The following SLC22A3 variants were observed in gnomAD, a reference collection of about 807,000 sequenced individuals.
SLC22A3 encodes EMT organic cation transporter 3.
SLC22A3 carries 51 observed loss-of-function variants against 59.1 expected under a neutral mutation model. The ratio of observed to expected loss-of-function variants is 0.86; its 90% confidence interval spans 0.69 to 1.09. SLC22A3 has a LOEUF of 1.09. Among genes scored for constraint, SLC22A3 ranks in the 50% least tolerant of loss-of-function variants. The pLI is 0.00. For missense variants in SLC22A3, 711 were observed against 726.3 expected (o/e 0.98, Z 0.24); for synonymous variants, 325 against 292.0 (o/e 1.11, Z -1.15).
At chr6:160,426,396 C>T in intron 5 of SLC22A3, 1 of 967,564 alleles carries the variant, frequency 1.0e-6, no homozygotes, top group Non-Finnish European at 1.2e-6. Flanking sequence ...GCTCAGGCAT[C>T]ATTGGGCTGT....
chr6:160,421,270 C>A (rs982519918), intron 5 of SLC22A3, among the ~76,000 whole-genome samples: 2 of 152,204 alleles, frequency 1.3e-5, no homozygotes, highest in South Asian at 2.1e-4. Flanking sequence ...TGTGGAGGAA[C>A]AAGTCCTATT....
intron 1 of SLC22A3, among the ~76,000 whole-genome samples, chr6:160,373,326 A>AG: frequency 6.6e-6 from 1 of 152,266 alleles, no homozygotes; most frequent in Non-Finnish European, 1.5e-5. Flanking sequence ...CCTGGGTATC[A>AG]CCAGTGGAGG....
rs370213711 is a variant in SLC22A3, at chr6:160,408,820, T to G, written c.756T>G (p.Leu252=). ...VGIVIQMFFT[L]GIIILPGIAY... ...TCGTGATTCAAATGTTCTTTACCCT[T>G]GGAATCATAATTCTCCCTGGAATTG... Residue 252 remains leucine (L), a synonymous_variant, in exon 4 of 11, where the codon CTT becomes CTG. Transcript: ENST00000275300. 5 of 1,613,696 alleles carry G rather than the reference T, an allele frequency of 3.1e-6. No individual in the cohort carries two copies. Among genetic ancestry groups the G allele is most frequent in the Admixed American group, 3.3e-5 (2 of 59,946 alleles).
At chr6:160,370,642 C>T (rs1268460097) in intron 1 of SLC22A3, among the ~76,000 whole-genome samples, 2 of 152,204 alleles carry the variant, frequency 1.3e-5, no homozygotes, top group Non-Finnish European at 2.9e-5. Flanking sequence ...CATATTACTT[C>T]ATGTAGGATT....
At chr6:160,385,221 G>A (rs1785955497) in intron 1 of SLC22A3, among the ~76,000 whole-genome samples, 1 of 152,170 alleles carries the variant, frequency 6.6e-6, no homozygotes, top group Non-Finnish European at 1.5e-5. Context: ...ATTTTCTCCA[G>A]TTCTGCTCTT....
chr6:160,406,954 G>C, intron 2 of SLC22A3, 87 bp from the exon 3 acceptor site: 1 of 1,425,874 alleles, frequency 7.0e-7, no homozygotes, highest in Non-Finnish European at 9.7e-7. Flanking sequence ...AGTATAATAT[G>C]GTATGATATA....
intron 2 of SLC22A3, 95 bp from the exon 3 acceptor site, chr6:160,406,946 T>C (rs1045394985): frequency 6.5e-6 from 9 of 1,381,544 alleles, no homozygotes; most frequent in Admixed American, 3.8e-5. Context: ...TGTAATACAG[T>C]ATAATATGGT....
chr6:160,390,883 C>T (rs1266978582), intron 1 of SLC22A3, among the ~76,000 whole-genome samples: 3 of 152,108 alleles, frequency 2.0e-5, no homozygotes, highest in Non-Finnish European at 4.4e-5. Flanking sequence ...TGCACAGAAC[C>T]ATGCTGTCTC....
chr6:160,373,940 G>A (rs1456641201), intron 1 of SLC22A3, among the ~76,000 whole-genome samples: 2 of 152,190 alleles, frequency 1.3e-5, no homozygotes, highest in Non-Finnish European at 2.9e-5. Context: ...TTAGCTTGCT[G>A]GGCTCCATAG....
chr6:160,428,339 T>A (rs980106258), intron 5 of SLC22A3, among the ~76,000 whole-genome samples: 4 of 152,096 alleles, frequency 2.6e-5, no homozygotes, highest in Admixed American at 6.5e-5. Context: ...GAATAAAATA[T>A]CTTCTCCATG....
chr6:160,421,538 A>G (rs1384041967), intron 5 of SLC22A3, among the ~76,000 whole-genome samples: 3 of 151,658 alleles, frequency 2.0e-5, no homozygotes. Context: ...CTACTCCAGC[A>G]CTCCTTGGTA....
In SLC22A3 at chr6:160,398,065, A is replaced by G; in HGVS notation, c.516A>G (p.Leu172=). The change falls in exon 2 of 11, where the codon TTA becomes TTG. Residue 172 remains leucine (L), a synonymous_variant. Coordinates refer to ENST00000275300, the MANE Select transcript of SLC22A3 (RefSeq NM_021977.4). ...NLGFLTGAFT[L]GYAADRYGRI... The stretch of plus-strand genomic sequence containing the variant: ...GCTTCCTGACTGGAGCATTCACCTT[A>G]GGCTATGCAGCAGACAGGTAGGTAC... 6.2e-7 allele frequency: 1 copy of G among 1,613,454 alleles called. No individual in the cohort carries two copies. The highest frequency in any genetic ancestry group is 8.5e-7 in the Non-Finnish European group (1 of 1,179,426).
intron 1 of SLC22A3, among the ~76,000 whole-genome samples, chr6:160,358,799 G>A (rs557391914): frequency 6.6e-6 from 1 of 152,220 alleles, no homozygotes; most frequent in South Asian, 2.1e-4. Flanking sequence ...GTTGCTGGAT[G>A]TGGACTCACT....
intron 1 of SLC22A3, among the ~76,000 whole-genome samples, chr6:160,379,641 A>C (rs1785724196): frequency 6.6e-6 from 1 of 152,170 alleles, no homozygotes; most frequent in African/African-American, 2.4e-5. Flanking sequence ...TGTAATTCCA[A>C]ATACAAACCA....
chr6:160,441,207 C>G (rs537450950), intron 7 of SLC22A3, among the ~76,000 whole-genome samples: 2 of 152,152 alleles, frequency 1.3e-5, no homozygotes, highest in African/African-American at 4.8e-5. Context: ...GGGCTGGGAC[C>G]CAGGGAATCT....
intron 5 of SLC22A3, 54 bp from the exon 6 acceptor site, chr6:160,436,726 G>A (rs1307006154): frequency 2.7e-6 from 3 of 1,123,492 alleles, no homozygotes; most frequent in Non-Finnish European, 4.0e-6. Flanking sequence ...TCTATACTAT[G>A]CAGGTTTTTT....
intron 2 of SLC22A3, 149 bp downstream of exon 2, chr6:160,398,231 G>T: frequency 1.6e-6 from 1 of 644,442 alleles, no homozygotes; most frequent in Non-Finnish European, 2.8e-6. Flanking sequence ...TCCACACTTG[G>T]TTGGTTTGAC....
chr6:160,389,141 C>T (rs931391519), intron 1 of SLC22A3, among the ~76,000 whole-genome samples: 5 of 152,102 alleles, frequency 3.3e-5, no homozygotes, highest in Non-Finnish European at 5.9e-5. Context: ...GGTCAGATGA[C>T]ATGATGATGA....
intron 1 of SLC22A3, among the ~76,000 whole-genome samples, chr6:160,381,521 AT>A (rs1466752933): frequency 6.6e-6 from 1 of 152,234 alleles, no homozygotes; most frequent in Non-Finnish European, 1.5e-5. Context: ...ATATGAATAT[AT>A]TGTTTAAACA....
Sources: gnomAD v4.1 joint callset for allele counts (sites outside exome capture counted in the v4.1 genomes callset) on GRCh38, gnomAD v4.1.1 for gene constraint, MANE v1.5 for transcripts, NCBI Gene and HGNC (gene_info 2026-07-23, HGNC 2026-07-21) for gene names.